The following UBE4B variants were observed in gnomAD, a reference collection of about 807,000 sequenced individuals.
UBE4B encodes ubiquitination factor E4B.
Under a neutral mutation model 148.1 loss-of-function variants are expected in UBE4B, and 27 were observed. The observed-to-expected ratio is 0.18, with a 90% CI of 0.13 to 0.25. The LOEUF (loss-of-function observed/expected upper bound fraction) is 0.25. Among genes scored for constraint, UBE4B ranks in the 10% least tolerant of loss-of-function variants. The pLI is 1.00. For missense variants in UBE4B, 1,170 were observed against 1,662.4 expected (o/e 0.70, Z 5.15); for synonymous variants, 596 against 619.3 (o/e 0.96, Z 0.56).
At chr1:10,047,187 G>T (rs138381889) in intron 1 of UBE4B, among the ~76,000 whole-genome samples, 1 of 152,196 alleles carries the variant, frequency 6.6e-6, no homozygotes, top group Non-Finnish European at 1.5e-5. Context: ...GTATTAGTTA[G>T]GATATTGATT....
chr1:10,102,920 T>G lies in UBE4B; in HGVS notation c.436-28T>G, dbSNP rs1171536263. 3 of 1,584,716 alleles carry G rather than the reference T, an allele frequency of 1.9e-6. No homozygotes were observed. In the African/African-American group the frequency reaches 4.0e-5, roughly 21 times the overall value. On this transcript the variant is annotated intron_variant, in intron 4 of 27. Coordinates refer to ENST00000343090, the MANE Select transcript of UBE4B (RefSeq NM_001105562.3). ...CCTAACTCATACCTCTTATTTGAAA[T>G]TAACCTGCAAATCTTCTTCTTCACC...
chr1:10,039,638 C>T (rs1382840177), intron 1 of UBE4B, among the ~76,000 whole-genome samples: 1 of 150,080 alleles, frequency 6.7e-6, no homozygotes. Flanking sequence ...TGGGGTTTTA[C>T]CATGTTGACT....
chr1:10,112,816 A>G (rs773900718), intron 7 of UBE4B, among the ~76,000 whole-genome samples: 4 of 152,206 alleles, frequency 2.6e-5, no homozygotes, highest in Non-Finnish European at 5.9e-5. Flanking sequence ...TAACGCTTGT[A>G]TTAGTGAAAC....
chr1:10,148,240 A>G (rs1645909867), intron 19 of UBE4B, among the ~76,000 whole-genome samples: 1 of 151,664 alleles, frequency 6.6e-6, no homozygotes, highest in African/African-American at 2.4e-5. Flanking sequence ...AAAAAAAAAA[A>G]TGTGTGTAGC....
chr1:10,100,850 G>A (rs184380088), intron 3 of UBE4B: 10 of 385,780 alleles, frequency 2.6e-5, no homozygotes, highest in African/African-American at 6.3e-5. Flanking sequence ...CACTGCACTC[G>A]GCCAATGATA....
intron 2 of UBE4B, chr1:10,072,525 G>C (rs1463754551): frequency 1.4e-6 from 1 of 712,192 alleles, no homozygotes. Context: ...GAATTTGGTT[G>C]ATGGTTTTAA....
rs1031286384 is a variant in UBE4B at position 10,168,523 on chromosome 1, G to A, written c.3333+253G>A. On this transcript the variant is annotated intron_variant, in intron 24 of 27. Transcript: ENST00000343090. The surrounding 1 kb of genome is among the most constrained non-coding windows in gnomAD (Gnocchi z 4.9). ...AATGCCTTACTGCACTTTGTGCTTA[G>A]ACAGTACATTGGATTATTCATGTTG... 2.6e-5 allele frequency among the ~76,000 whole-genome samples: 4 copies of A among 152,202 alleles called. No individual in the cohort carries two copies. The highest frequency in any genetic ancestry group is 7.2e-5 in the African/African-American group (3 of 41,460).
At chr1:10,132,836 T>G (rs926293034) in intron 15 of UBE4B, among the ~76,000 whole-genome samples, 5 of 152,156 alleles carry the variant, frequency 3.3e-5, no homozygotes, top group Admixed American at 3.3e-4. Context: ...TTGTAGTGGC[T>G]GAGAAAAGAG....
chr1:10,057,538 T>A (rs1644197908), intron 1 of UBE4B, among the ~76,000 whole-genome samples: 1 of 150,522 alleles, frequency 6.6e-6, no homozygotes, highest in African/African-American at 2.4e-5. Flanking sequence ...TGCCTGAGCC[T>A]CCTGAGTAGG....
intron 17 of UBE4B, among the ~76,000 whole-genome samples, chr1:10,139,578 T>C (rs1645753512): frequency 6.6e-6 from 1 of 152,244 alleles, no homozygotes; most frequent in South Asian, 2.1e-4. Context: ...AGACAGTTAA[T>C]ATATATAAGA....
intron 2 of UBE4B, among the ~76,000 whole-genome samples, chr1:10,091,685 A>T (rs1322588659): frequency 1.3e-5 from 2 of 152,018 alleles, no homozygotes; most frequent in Non-Finnish European, 2.9e-5. Flanking sequence ...GGCCCACTGC[A>T]ACTTCCACCA....
At chr1:10,100,728 A>G in intron 3 of UBE4B, 1 of 176,064 alleles carries the variant, frequency 5.7e-6, no homozygotes, top group South Asian at 1.2e-4. Context: ...CTAATTTTAT[A>G]TTTTTAGTAG....
intron 24 of UBE4B, among the ~76,000 whole-genome samples, chr1:10,170,275 A>G (rs761153808): frequency 6.6e-6 from 1 of 152,204 alleles, no homozygotes; most frequent in South Asian, 2.1e-4. Flanking sequence ...CTGTCCTGTT[A>G]TGACTCTTTT....
chr1:10,129,864 G>A (rs1297139977), intron 12 of UBE4B, among the ~76,000 whole-genome samples: 1 of 152,018 alleles, frequency 6.6e-6, no homozygotes, highest in Non-Finnish European at 1.5e-5. Context: ...TGTTGGCCAG[G>A]CTGGTCTCGA....
In UBE4B at chr1:10,145,020, G is replaced by A. The variant is rs760964695; in HGVS notation, c.2444G>A (p.Arg815His). 11 of 1,613,370 alleles carry A rather than the reference G, an allele frequency of 6.8e-6. No individual in the cohort carries two copies. The East Asian group carries it at 1.6e-4, about 23-fold the overall frequency. ...LATRHREMLK[R>H]CKTQLKKLVR... ...ACTAGACACCGCGAAATGCTGAAGC[G>A]CTGTAAAACTCAGCTTAAGGTTTGT... Residue 815 changes from arginine to histidine, a missense_variant, in exon 18 of 28, where the codon CGC (arginine) becomes CAC (histidine). By Grantham distance (29) the Arg-to-His change is conservative. Coordinates refer to ENST00000343090, the MANE Select transcript of UBE4B (RefSeq NM_001105562.3).
chr1:10,055,935 A>G (rs903449825), intron 1 of UBE4B, among the ~76,000 whole-genome samples: 2 of 151,954 alleles, frequency 1.3e-5, no homozygotes, highest in Non-Finnish European at 2.9e-5. Context: ...ACAAAACAAA[A>G]CAAAACAAAA....
intron 12 of UBE4B, among the ~76,000 whole-genome samples, chr1:10,130,235 C>T (rs1202064476): frequency 2.0e-5 from 3 of 151,798 alleles, no homozygotes; most frequent in South Asian, 2.1e-4. Flanking sequence ...CCACCACGCC[C>T]GGCTAATTTT....
At chr1:10,053,217 C>T (rs1171790794) in intron 1 of UBE4B, among the ~76,000 whole-genome samples, 3 of 146,586 alleles carry the variant, frequency 2.0e-5, no homozygotes, top group South Asian at 2.2e-4. Context: ...GGCGCGATCT[C>T]GGCTCGCTGC....
chr1:10,147,112 T>G, intron 19 of UBE4B, 22 bp downstream of exon 19: 1 of 1,613,984 alleles, frequency 6.2e-7, no homozygotes, highest in Non-Finnish European at 8.5e-7. Flanking sequence ...TCTTCCTGTT[T>G]CCCTTGTCCC....
Sources: allele counts gnomAD v4.1 joint callset (sites outside exome capture counted in the v4.1 genomes callset), GRCh38; gene constraint gnomAD v4.1.1; non-coding constraint Gnocchi (gnomAD v3.1); transcripts MANE v1.5; gene names NCBI Gene and HGNC (gene_info 2026-07-23, HGNC 2026-07-21).